The following UBASH3A variants were observed in gnomAD, a reference collection of about 807,000 sequenced individuals.
The protein encoded by UBASH3A is ubiquitin-associated and SH3 domain-containing protein A.
UBASH3A carries 63 observed loss-of-function variants against 73.5 expected under a neutral mutation model. The observed-to-expected ratio is 0.86, with a 90% CI of 0.70 to 1.06. The LOEUF (loss-of-function observed/expected upper bound fraction) is 1.06, where lower values mean the gene tolerates loss of function less well. UBASH3A is among the 50% of genes least tolerant of loss of function. The pLI, the probability that UBASH3A is intolerant of heterozygous loss-of-function variation, is 0.00. For synonymous variants in UBASH3A, 363 were observed against 351.1 expected (o/e 1.03, Z -0.38); for missense variants, 860 against 859.0 (o/e 1.00, Z -0.02).
At chr21:42,422,085 C>A (rs954120875) in intron 7 of UBASH3A, among the ~76,000 whole-genome samples, 1 of 152,138 alleles carries the variant, frequency 6.6e-6, no homozygotes, top group East Asian at 1.9e-4. Context: ...CCTGGGCTCC[C>A]CCACTAAACA....
chr21:42,424,323 T>G (rs948109185), intron 7 of UBASH3A, among the ~76,000 whole-genome samples: 3 of 152,160 alleles, frequency 2.0e-5, no homozygotes, highest in African/African-American at 4.8e-5. Context: ...TACTTGTCAA[T>G]TAACACACCA....
chr21:42,428,483 A>T (rs1343333693), intron 8 of UBASH3A, among the ~76,000 whole-genome samples: 1 of 152,062 alleles, frequency 6.6e-6, no homozygotes, highest in Non-Finnish European at 1.5e-5. Flanking sequence ...GGGATTATTT[A>T]AAAAGCTTTA....
chr21:42,444,675 A>G (rs2146614982), intron 14 of UBASH3A, 32 bp downstream of exon 14: 1 of 1,484,482 alleles, frequency 6.7e-7, no homozygotes, highest in East Asian at 2.3e-5. Flanking sequence ...TTTGGGCCAC[A>G]AAATCAAGCA....
rs2053215068 is a variant in UBASH3A at position 42,416,580 on chromosome 21, A to G, written c.806A>G (p.Tyr269Cys). Residue 269 changes from tyrosine (Y) to cysteine (C), a missense_variant, in exon 6 of 15, where the codon TAC (tyrosine) becomes TGC (cysteine). Coordinates refer to ENST00000319294, the MANE Select transcript of UBASH3A (RefSeq NM_018961.4). Reference sequence around the variant, plus strand: ...AGCTGCCAGTGGACCGCAGCACTCTACTCCCGAGACATGCGCTTTGTGCAC... The same window carrying G: ...AGCTGCCAGTGGACCGCAGCACTCTGCTCCCGAGACATGCGCTTTGTGCAC... ...GHSCQWTAAL[Y>C]SRDMRFVHYQ... 5.6e-6 allele frequency: 9 copies of G among 1,603,298 alleles called. No homozygotes were observed. The highest frequency in any genetic ancestry group is 6.8e-6 in the Non-Finnish European group (8 of 1,175,488).
chr21:42,412,478 AGAG>A (rs1455900184), intron 3 of UBASH3A, among the ~76,000 whole-genome samples: 1 of 152,138 alleles, frequency 6.6e-6, no homozygotes, highest in East Asian at 1.9e-4. Flanking sequence ...TGAAGGCAAA[AGAG>A]GAGGAGAGGG....
At chr21:42,424,907 G>C (rs1159704092) in intron 7 of UBASH3A, among the ~76,000 whole-genome samples, 1 of 152,166 alleles carries the variant, frequency 6.6e-6, no homozygotes, top group African/African-American at 2.4e-5. Flanking sequence ...CACACAGAGG[G>C]ACAGCCTGTG....
At chr21:42,418,314 A>G in intron 6 of UBASH3A, 87 bp from the exon 7 acceptor site, 1 of 1,140,348 alleles carries the variant, frequency 8.8e-7, no homozygotes, top group South Asian at 1.3e-5. Context: ...AGAAAGCAGG[A>G]GGTGGCAGGT....
chr21:42,408,928 T>TAAAATAA (rs1555859590), intron 2 of UBASH3A, among the ~76,000 whole-genome samples: 5 of 149,654 alleles, frequency 3.3e-5, no homozygotes, highest in African/African-American at 1.2e-4. Context: ...TAAAATAAAA[T>TAAAATAA]AAAATAAAAT....
At chr21:42,433,746 G>A (rs1473640320) in intron 9 of UBASH3A, among the ~76,000 whole-genome samples, 1 of 152,082 alleles carries the variant, frequency 6.6e-6, no homozygotes, top group South Asian at 2.1e-4. Flanking sequence ...TCCCAGGGAG[G>A]GAGTCTTCAG....
intron 14 of UBASH3A, 91 bp downstream of exon 14, chr21:42,444,734 T>G: frequency 9.0e-7 from 1 of 1,114,476 alleles, no homozygotes. Flanking sequence ...TGAAAACAAG[T>G]GTCCGGCTGA....
chr21:42,422,252 T>G (rs2053349813), intron 7 of UBASH3A, among the ~76,000 whole-genome samples: 1 of 152,200 alleles, frequency 6.6e-6, no homozygotes, highest in African/African-American at 2.4e-5. Context: ...GGATGAAAAA[T>G]GCAGCCGTAG....
chr21:42,412,203 C>T (rs959581973), intron 3 of UBASH3A, among the ~76,000 whole-genome samples: 5 of 152,166 alleles, frequency 3.3e-5, no homozygotes, highest in East Asian at 1.9e-4. Context: ...GGAGAGGCTG[C>T]GTCTGGCTGG....
At chr21:42,433,494 G>T (rs2053572936) in intron 9 of UBASH3A, among the ~76,000 whole-genome samples, 1 of 152,082 alleles carries the variant, frequency 6.6e-6, no homozygotes, top group Non-Finnish European at 1.5e-5. Flanking sequence ...CCACATCCTT[G>T]TCCTCTCCTG....
At chr21:42,418,373 A>T in intron 6 of UBASH3A, 28 bp from the exon 7 acceptor site, 1 of 1,594,820 alleles carries the variant, frequency 6.3e-7, no homozygotes, top group Non-Finnish European at 8.6e-7. Flanking sequence ...TTTGCTCGAG[A>T]CGTGAAACCC....
At chr21:42,442,145 A>C (rs2276236) in intron 11 of UBASH3A, among the ~76,000 whole-genome samples, 90,126 of 151,874 alleles carry the variant, frequency 0.59, 27,616 homozygotes, top group Non-Finnish European at 0.68. Flanking sequence ...GTGCTGGGTG[A>C]TCAGGTGAGC....
chr21:42,403,911 T>G lies in UBASH3A; in HGVS notation c.-35T>G, dbSNP rs772396817. ...CTTGCTTTATCTCCTCATTTCTGTG[T>G]GCAGGCGAGCTTCTTGGCCTAAGGG... On this transcript the variant is annotated 5_prime_UTR_variant, in exon 1 of 15. Coordinates refer to ENST00000319294, the MANE Select transcript of UBASH3A (RefSeq NM_018961.4). 26 of 1,346,350 alleles carry G rather than the reference T, an allele frequency of 1.9e-5. No individual in the cohort carries two copies. The highest frequency in any genetic ancestry group is 2.5e-5 in the Non-Finnish European group (25 of 1,005,372). 83.4% of individuals were successfully genotyped at this position (1,346,350 alleles called of 1,614,324 possible).
chr21:42,416,640 A>T, intron 6 of UBASH3A, 29 bp downstream of exon 6: 1 of 1,489,768 alleles, frequency 6.7e-7, no homozygotes, highest in Admixed American at 2.4e-5. Flanking sequence ...GGCTCATAAG[A>T]AGCAGATGAA....
intron 11 of UBASH3A, among the ~76,000 whole-genome samples, chr21:42,439,971 A>C (rs2053708634): frequency 7.2e-6 from 1 of 137,988 alleles, no homozygotes; most frequent in South Asian, 2.4e-4. Flanking sequence ...ACACATCCAC[A>C]CACACACCAC....
chr21:42,408,898 TAAAATAA>T (rs767414093), intron 2 of UBASH3A, among the ~76,000 whole-genome samples: 5,053 of 127,794 alleles, frequency 0.04, 170 homozygotes, highest in Non-Finnish European at 0.06. Flanking sequence ...TAAAATAAAA[TAAAATAA>T]AATAAAATAA....
Sources: allele counts gnomAD v4.1 joint callset (sites outside exome capture counted in the v4.1 genomes callset), GRCh38; gene constraint gnomAD v4.1.1; transcripts MANE v1.5; gene names NCBI Gene and HGNC (gene_info 2026-07-23, HGNC 2026-07-21).